The following GCN1 variants were observed in gnomAD, a reference collection of about 807,000 sequenced individuals.
GCN1 encodes the protein GCN1 activator of EIF2AK4.
Under a neutral mutation model 288.4 loss-of-function variants are expected in GCN1, and 90 were observed. The ratio of observed to expected loss-of-function variants is 0.31; its 90% CI spans 0.26 to 0.37. The LOEUF (loss-of-function observed/expected upper bound fraction) is 0.37. Ranked by LOEUF, GCN1 falls within the 10% of genes least tolerant of loss-of-function variation. The pLI is 1.00. For missense variants in GCN1, 2,586 were observed against 3,419.9 expected (o/e 0.76, Z 6.08); for synonymous variants, 1,386 against 1,420.2 (o/e 0.98, Z 0.54).
At chr12:120,162,156 T>C in intron 20 of GCN1, 98 bp from the exon 21 acceptor site, 1 of 954,370 alleles carries the variant, frequency 1.0e-6, no homozygotes, top group Non-Finnish European at 1.6e-6. Flanking sequence ...TCCCCTTCTT[T>C]ATGCCACTGC....
At position 120,142,990 on chromosome 12, in the gene GCN1, C is replaced by A; in HGVS notation, c.5496-49G>T. On this transcript the variant is annotated intron_variant, in intron 42 of 57. Coordinates refer to ENST00000300648, the MANE Select transcript of GCN1 (RefSeq NM_006836.2). The surrounding 1 kb of genome is among the most constrained non-coding windows in gnomAD (Gnocchi z 4.9). ...GTCACACAGCTGCAAGGAGTGGGCT[C>A]GGCACAACTGAGCACTGCACAGAAG... The A allele has an allele frequency of 9.0e-7, 1 of 1,114,168 alleles. No individual in the cohort carries two copies. The highest frequency in any genetic ancestry group is 1.4e-6 in the Non-Finnish European group (1 of 724,984). The allele number at this position is 1,114,168 out of a possible 1,614,324, so 69.0% of individuals were successfully genotyped here. A position where few individuals can be genotyped will look rare whatever the true frequency, so the allele number is the denominator to read the frequency against.
Position 120,134,585 on chromosome 12 carries a change from G to A in GCN1, c.7150C>T (p.Leu2384Phe). The change falls in exon 52 of 58, where the codon CTC (leucine) becomes TTC (phenylalanine). Residue 2384 changes from leucine (L) to phenylalanine (F), a missense_variant. Leu to Phe is a conservative substitution (Grantham distance 22). Around this residue, in one of 8 missense-constraint regions of GCN1, gnomAD observed 355 missense variants for 431.1 expected, o/e 0.82. Coordinates refer to ENST00000300648, the MANE Select transcript of GCN1 (RefSeq NM_006836.2). This position sits in a 1 kb window ranked among gnomAD's most constrained non-coding sequence, Gnocchi z 5.0. Reference protein sequence around the residue: ...LISIHIKVDPLFTELLNGIRA... With the variant: ...LISIHIKVDPFFTELLNGIRA... ...ATGCCATTGAGCAGCTCTGTGAAGA[G>A]GGGGTCCACCTTAATGTGGATGGAA... 3 of 1,614,158 alleles carry A rather than the reference G, an allele frequency of 1.9e-6. No homozygotes were observed. The highest frequency in any genetic ancestry group is 2.5e-6 in the Non-Finnish European group (3 of 1,179,988).
At chr12:120,184,268 G>T in intron 3 of GCN1, 25 bp from the exon 4 acceptor site, 1 of 1,603,732 alleles carries the variant, frequency 6.2e-7, no homozygotes, top group East Asian at 2.2e-5. Flanking sequence ...AAAGGAAAGG[G>T]TGAACATGCA....
Position 120,132,050 on chromosome 12 carries a change from G to A in GCN1, c.7318-28C>T, listed in dbSNP as rs1299893858. 2.1e-6 allele frequency: 3 copies of A among 1,444,592 alleles called. No homozygotes were observed. The Admixed American group carries it at 5.6e-5, about 27-fold the overall frequency. 89.5% of individuals were successfully genotyped at this position (1,444,592 alleles called of 1,614,324 possible). A position where few individuals can be genotyped will look rare whatever the true frequency, so the allele number is the denominator to read the frequency against. On this transcript the variant is annotated intron_variant, in intron 53 of 57. Transcript: ENST00000300648. ...GACAGGGAAGAGAAGGGAGTGAGGGGGTGCAGGGAACAACACCAGCTGTGT... is the reference window on the plus strand; with the variant it reads ...GACAGGGAAGAGAAGGGAGTGAGGGAGTGCAGGGAACAACACCAGCTGTGT...
Position 120,129,537 on chromosome 12 carries a change from T to C in GCN1, c.7672-43A>G, listed in dbSNP as rs779802916. Reference sequence around the variant, plus strand: ...AACAGGCTTTTGGATAGGCATGTCATCTATTCCTTGAAGCAGCCCAAATGC... The same window carrying C: ...AACAGGCTTTTGGATAGGCATGTCACCTATTCCTTGAAGCAGCCCAAATGC... On this transcript the variant is annotated intron_variant, in intron 56 of 57. Coordinates refer to ENST00000300648, the MANE Select transcript of GCN1 (RefSeq NM_006836.2). 2.8e-5 allele frequency: 41 copies of C among 1,442,840 alleles called. No homozygotes were observed. The East Asian group carries it at 5.0e-4, about 18-fold the overall frequency. 89.4% of individuals were successfully genotyped at this position (1,442,840 alleles called of 1,614,324 possible). A position where few individuals can be genotyped will look rare whatever the true frequency, so the allele number is the denominator to read the frequency against.
intron 44 of GCN1, 111 bp from the exon 45 acceptor site, chr12:120,141,134 G>A: frequency 2.2e-6 from 2 of 890,790 alleles, no homozygotes; most frequent in Non-Finnish European, 3.5e-6. Flanking sequence ...CTGAATCACT[G>A]ACTTAACTTC....
Position 120,153,217 on chromosome 12 carries a change from T to C in GCN1, c.4058A>G (p.Gln1353Arg). 6.2e-7 allele frequency: 1 copy of C among 1,613,808 alleles called. No individual in the cohort carries two copies. The highest frequency in any genetic ancestry group is 8.5e-7 in the Non-Finnish European group (1 of 1,179,788). Residue 1353 changes from glutamine (Q) to arginine (R), a missense_variant, in exon 33 of 58, where the codon CAG (glutamine) becomes CGG (arginine). Around this residue, in one of 8 missense-constraint regions of GCN1, gnomAD observed 332 missense variants for 403.0 expected, o/e 0.82. Transcript: ENST00000300648. The surrounding 1 kb of genome is among the most constrained non-coding windows in gnomAD (Gnocchi z 4.4). The stretch of plus-strand genomic sequence containing the variant: ...CCCAGGCCAGATGGCAGGTACCTGC[T>C]GGGAGGGGGTGGAGAGGGCAGCGAT... ...KLIAALSTPS[Q>R]QVQESVASCL...
In GCN1 at chr12:120,156,314, C is replaced by T; in HGVS notation, c.3312+147G>A. The stretch of plus-strand genomic sequence containing the variant: ...CATGACTGCTTAGTGTTCTGATTCT[C>T]AGAGAGACCCCAACCATGTGACTTC... On this transcript the variant is annotated intron_variant, in intron 28 of 57. Transcript: ENST00000300648. This position sits in a 1 kb window ranked among gnomAD's most constrained non-coding sequence, Gnocchi z 5.8. The T allele has an allele frequency of 1.4e-6, 1 of 714,356 alleles. No homozygotes were observed. Among genetic ancestry groups the T allele is most frequent in the Non-Finnish European group, 2.3e-6 (1 of 429,002 alleles). The allele number at this position is 714,356 out of a possible 1,614,324, so 44.3% of individuals were successfully genotyped here.
chr12:120,177,853 C>T, intron 7 of GCN1, 101 bp from the exon 8 acceptor site: 1 of 848,784 alleles, frequency 1.2e-6, no homozygotes, highest in African/African-American at 1.7e-5. Flanking sequence ...AAATACAAAT[C>T]AATGCCCCAA....
In GCN1 at chr12:120,137,776, C is replaced by T. The variant is rs1877058600; in HGVS notation, c.6432G>A (p.Glu2144=). The T allele has an allele frequency of 6.2e-7, 1 of 1,613,952 alleles. No individual in the cohort carries two copies. Residue 2144 remains glutamate (E), a synonymous_variant, in exon 49 of 58, where the codon GAG becomes GAA. Coordinates refer to ENST00000300648, the MANE Select transcript of GCN1 (RefSeq NM_006836.2). The surrounding 1 kb of genome is among the most constrained non-coding windows in gnomAD (Gnocchi z 5.2). ...TGATGATCCGGTGCCCTGTGTCATC[C>T]TCTACGGAGAGGATCACAGCCTGAC... The part of the protein sequence containing the change: ...ANCQAVILSV[E]DDTGHRIIIE...
chr12:120,175,816 G>C lies in GCN1; in HGVS notation c.972C>G (p.Asn324Lys). 1 of 1,613,332 alleles carries C rather than the reference G, an allele frequency of 6.2e-7. No homozygotes were observed. Among genetic ancestry groups the C allele is most frequent in the South Asian group, 1.1e-5 (1 of 90,884 alleles). The change falls in exon 11 of 58, where the codon AAC becomes AAG. Residue 324 changes from asparagine (N) to lysine (K), a missense_variant. This residue lies in a region of GCN1 where 913 missense variants were observed against 1,107.0 expected (regional missense o/e 0.82). Transcript: ENST00000300648. ...LMDEAVLALRNLARQCSDSSA... is the reference protein window; with the variant it reads ...LMDEAVLALRKLARQCSDSSA... ...AAGAGTCACTGCACTGGCGTGCCAG[G>C]TTCCGCAGTGCCAGCACAGCTTCAT... is the stretch of plus-strand genomic sequence containing the variant.
intron 2 of GCN1, among the ~76,000 whole-genome samples, chr12:120,188,259 C>A (rs965339165): frequency 6.6e-6 from 1 of 151,952 alleles, no homozygotes; most frequent in Non-Finnish European, 1.5e-5. Context: ...CATGGTGAAA[C>A]CCCATCTCTA....
In GCN1 at chr12:120,137,190, C is replaced by G. The variant is rs778946332; in HGVS notation, c.6777+16G>C. ...GACTGCACGCCCACAGCCCCCTGCA[C>G]GAGGCCCTGGCTTACCTTCTTCGGG... is the stretch of plus-strand genomic sequence containing the variant. On this transcript the variant is annotated intron_variant, in intron 50 of 57. Coordinates refer to ENST00000300648, the MANE Select transcript of GCN1 (RefSeq NM_006836.2). The surrounding 1 kb of genome is among the most constrained non-coding windows in gnomAD (Gnocchi z 5.2). 5.7e-6 allele frequency: 9 copies of G among 1,588,354 alleles called. No individual in the cohort carries two copies. Among genetic ancestry groups the G allele is most frequent in the Middle Eastern group, 3.5e-4 (2 of 5,654 alleles).
Position 120,173,771 on chromosome 12 carries a change from T to C in GCN1, c.1248A>G (p.Arg416=). 6.2e-7 allele frequency: 1 copy of C among 1,613,890 alleles called. No homozygotes were observed. The highest frequency in any genetic ancestry group is 8.5e-7 in the Non-Finnish European group (1 of 1,179,738). Residue 416 remains arginine, a synonymous_variant, in exon 14 of 58, where the codon CGA becomes CGG. Coordinates refer to ENST00000300648, the MANE Select transcript of GCN1 (RefSeq NM_006836.2). The part of the protein sequence containing the change: ...AVSVLALWCN[R]FTMEVPKKLT... ...GCTTCTTGGGCACTTCCATAGTGAA[T>C]CGGTTACACCAGAGAGCCAGGACTG...
At position 120,173,830 on chromosome 12, in the gene GCN1, G is replaced by A; in HGVS notation, c.1193-4C>T. 4 of 1,611,590 alleles carry A rather than the reference G, an allele frequency of 2.5e-6. No individual in the cohort carries two copies. Among genetic ancestry groups the A allele is most frequent in the Non-Finnish European group, 3.4e-6 (4 of 1,178,504 alleles). On this transcript the variant is annotated splice_region_variant and splice_polypyrimidine_tract_variant and intron_variant, in intron 13 of 57. Coordinates refer to ENST00000300648, the MANE Select transcript of GCN1 (RefSeq NM_006836.2). ...TGTACCAAGGTCCCTTCATGAACTAGGGCAAAAAGCAGAAGTCCAGTCAGT... is the reference window on the plus strand; with the variant it reads ...TGTACCAAGGTCCCTTCATGAACTAAGGCAAAAAGCAGAAGTCCAGTCAGT...
Position 120,142,615 on chromosome 12 carries a change from G to A in GCN1, c.5721C>T (p.Val1907=). ...GGGTATTGGAGACAACAATCTTCCA[G>A]ACATGCAGGGACGCCTGCCGCACCA... is the stretch of plus-strand genomic sequence containing the variant. ...QLVVRQASLH[V]WKIVVSNTPR... is the part of the protein sequence containing the mutation. Residue 1907 remains valine (V), a synonymous_variant, in exon 44 of 58, where the codon GTC becomes GTT. Transcript: ENST00000300648. This position sits in a 1 kb window ranked among gnomAD's most constrained non-coding sequence, Gnocchi z 4.9. 6.2e-7 allele frequency: 1 copy of A among 1,614,008 alleles called. No homozygotes were observed.
chr12:120,137,130 C>A lies in GCN1; in HGVS notation c.6777+76G>T. Reference sequence around the variant, plus strand: ...CTGCTCCAGCAGCCCCTACCGCAGACCTGGGACAGGGGTAAGGGCCAGAAG... The same window carrying A: ...CTGCTCCAGCAGCCCCTACCGCAGAACTGGGACAGGGGTAAGGGCCAGAAG... On this transcript the variant is annotated intron_variant, in intron 50 of 57. Transcript: ENST00000300648. The surrounding 1 kb of genome is among the most constrained non-coding windows in gnomAD (Gnocchi z 5.2). 8 of 1,055,204 alleles carry A rather than the reference C, an allele frequency of 7.6e-6. No individual in the cohort carries two copies. Among genetic ancestry groups the A allele is most frequent in the Non-Finnish European group, 1.2e-5 (8 of 676,626 alleles). 65.4% of individuals were successfully genotyped at this position (1,055,204 alleles called of 1,614,324 possible).
At chr12:120,188,565 T>TAAAA (rs888467197) in intron 2 of GCN1, among the ~76,000 whole-genome samples, 4 of 151,180 alleles carry the variant, frequency 2.6e-5, no homozygotes, top group African/African-American at 9.7e-5. Context: ...TCCCAAGTCA[T>TAAAA]AAAAAAAATG....
intron 7 of GCN1, 188 bp from the exon 8 acceptor site, chr12:120,177,940 C>T (rs755980319): frequency 7.8e-5 from 47 of 605,212 alleles, no homozygotes; most frequent in Middle Eastern, 4.4e-4. Flanking sequence ...CCATGGCCCC[C>T]GGGATAAAGT....
Sources: allele counts gnomAD v4.1 joint callset (sites outside exome capture counted in the v4.1 genomes callset), GRCh38; gene constraint gnomAD v4.1.1; regional missense constraint gnomAD v4.1.1; non-coding constraint Gnocchi (gnomAD v3.1); transcripts MANE v1.5; gene names NCBI Gene and HGNC (gene_info 2026-07-23, HGNC 2026-07-21).